The following EFCAB11 variants were observed in gnomAD, a reference collection of about 807,000 sequenced individuals.
The protein encoded by EFCAB11 is EF-hand calcium-binding domain-containing protein 11.
A neutral mutation model predicts 23.0 loss-of-function variants in EFCAB11; 14 were observed. That is an observed-to-expected ratio of 0.61 (90% confidence interval 0.40 to 0.95). The LOEUF (loss-of-function observed/expected upper bound fraction) is 0.95, where lower values mean the gene tolerates loss of function less well. EFCAB11 is among the 40% of genes least tolerant of loss of function. EFCAB11 has a pLI of 0.00. For missense variants in EFCAB11, 198 were observed against 195.8 expected (o/e 1.01, Z -0.07); for synonymous variants, 65 against 66.6 (o/e 0.98, Z 0.11).
intron 5 of EFCAB11, among the ~76,000 whole-genome samples, chr14:89,883,218 C>T (rs1019015176): frequency 6.6e-6 from 1 of 152,148 alleles, no homozygotes; most frequent in African/African-American, 2.4e-5. Flanking sequence ...AGATAGTTAT[C>T]TTAACATAAT....
At chr14:89,909,832 T>C (rs1048538555) in intron 5 of EFCAB11, among the ~76,000 whole-genome samples, 1 of 152,208 alleles carries the variant, frequency 6.6e-6, no homozygotes, top group African/African-American at 2.4e-5. Context: ...CCTCTGCAGA[T>C]GCACTCTGTC....
At chr14:89,891,787 C>T (rs1335659170) in intron 5 of EFCAB11, among the ~76,000 whole-genome samples, 2 of 152,128 alleles carry the variant, frequency 1.3e-5, no homozygotes. Context: ...AGGATAGGGA[C>T]GCGGCCATGG....
intron 3 of EFCAB11, among the ~76,000 whole-genome samples, chr14:89,937,776 G>A (rs979347348): frequency 3.3e-5 from 5 of 151,878 alleles, no homozygotes; most frequent in Admixed American, 1.3e-4. Context: ...CGTCTGCCTC[G>A]GCCTCATAAA....
At chr14:89,937,447 AT>A (rs527670589) in intron 3 of EFCAB11, among the ~76,000 whole-genome samples, 3 of 152,082 alleles carry the variant, frequency 2.0e-5, no homozygotes, top group Non-Finnish European at 2.9e-5. Context: ...AAGTCCATGC[AT>A]TTTTTTGTAC....
At chr14:89,862,921 C>T (rs1887970225) in intron 5 of EFCAB11, among the ~76,000 whole-genome samples, 2 of 152,142 alleles carry the variant, frequency 1.3e-5, no homozygotes, top group African/African-American at 2.4e-5. Flanking sequence ...TACAATTATA[C>T]ATATGTACTT....
intron 5 of EFCAB11, among the ~76,000 whole-genome samples, chr14:89,822,520 G>C (rs1320029945): frequency 1.3e-5 from 2 of 152,194 alleles, no homozygotes; most frequent in Non-Finnish European, 2.9e-5. Flanking sequence ...CACTGGTTGG[G>C]AGAGGCTGAG....
chr14:89,933,156 A>T (rs1890455528), intron 3 of EFCAB11, among the ~76,000 whole-genome samples: 1 of 152,180 alleles, frequency 6.6e-6, no homozygotes, highest in African/African-American at 2.4e-5. Flanking sequence ...AGCTGGCACC[A>T]TCTCCAGCCC....
intron 3 of EFCAB11, among the ~76,000 whole-genome samples, chr14:89,933,153 A>C (rs1890455299): frequency 6.6e-6 from 1 of 152,160 alleles, no homozygotes. Context: ...TACAGCTGGC[A>C]CCATCTCCAG....
intron 5 of EFCAB11, chr14:89,830,968 A>T (rs1179037070): frequency 3.3e-5 from 5 of 152,276 alleles, no homozygotes; most frequent in Non-Finnish European, 7.3e-5. Context: ...TGAGATGAGA[A>T]GGCCCCTCCT....
intron 5 of EFCAB11, among the ~76,000 whole-genome samples, chr14:89,864,336 G>A (rs150794870): frequency 1.2e-4 from 18 of 152,264 alleles, no homozygotes; most frequent in African/African-American, 3.1e-4. Context: ...ATGGCCTGAC[G>A]GTCTACCCTA....
chr14:89,835,498 G>A (rs886330193), intron 5 of EFCAB11, among the ~76,000 whole-genome samples: 3 of 152,202 alleles, frequency 2.0e-5, no homozygotes, highest in South Asian at 2.1e-4. Flanking sequence ...GAGGTCAGGT[G>A]TGGAATTTTC....
intron 5 of EFCAB11, among the ~76,000 whole-genome samples, chr14:89,925,242 G>A (rs1890153104): frequency 6.6e-6 from 1 of 152,114 alleles, no homozygotes; most frequent in South Asian, 2.1e-4. Flanking sequence ...CAGGAATTTG[G>A]GACTGATGTA....
At chr14:89,848,088 TCTC>T in intron 5 of EFCAB11, among the ~76,000 whole-genome samples, 1 of 152,350 alleles carries the variant, frequency 6.6e-6, no homozygotes, top group Non-Finnish European at 1.5e-5. Flanking sequence ...CCCTCATGCT[TCTC>T]CTTTTATTGC....
chr14:89,814,900 T>C (rs778231594), intron 5 of EFCAB11, among the ~76,000 whole-genome samples: 5 of 152,066 alleles, frequency 3.3e-5, no homozygotes, highest in East Asian at 1.9e-4. Context: ...GCTGGTCCCA[T>C]TGGACAAAGA....
At chr14:89,932,114 G>A (rs1357119327) in intron 4 of EFCAB11, among the ~76,000 whole-genome samples, 1 of 152,112 alleles carries the variant, frequency 6.6e-6, no homozygotes, top group East Asian at 1.9e-4. Context: ...GTGGGGCCTA[G>A]GGGGTCTACA....
rs761369631 is a variant in EFCAB11 at position 89,795,982 on chromosome 14, C to A, written c.*1261G>T. On this transcript the variant is annotated 3_prime_UTR_variant, in exon 6 of 6. Transcript: ENST00000316738. ...ACAGGCAAGGCATGGGGAACGTGAACACACATGGCTAAGTGTCTGGGTGCA... is the reference window on the plus strand; with the variant it reads ...ACAGGCAAGGCATGGGGAACGTGAAAACACATGGCTAAGTGTCTGGGTGCA... 5 of 152,242 alleles carry A rather than the reference C, an allele frequency of 3.3e-5. No homozygotes were observed. The highest frequency in any genetic ancestry group is 7.3e-5 in the Non-Finnish European group (5 of 68,064). 9.4% of individuals were successfully genotyped at this position (152,242 alleles called of 1,614,324 possible).
At chr14:89,900,189 GAATAT>G (rs1359306613) in intron 5 of EFCAB11, among the ~76,000 whole-genome samples, 1 of 151,852 alleles carries the variant, frequency 6.6e-6, no homozygotes, top group Non-Finnish European at 1.5e-5. Flanking sequence ...TAATTCCTAA[GAATAT>G]AATAAGAGAA....
chr14:89,830,393 T>C (rs1886844635), intron 5 of EFCAB11: 1 of 152,220 alleles, frequency 6.6e-6, no homozygotes, highest in African/African-American at 2.4e-5. Context: ...TATACCCCAG[T>C]AATTTTTGCA....
intron 5 of EFCAB11, chr14:89,836,890 A>C: frequency 2.6e-6 from 1 of 381,958 alleles, no homozygotes; most frequent in Non-Finnish European, 5.1e-6. Flanking sequence ...GTGATGGCGC[A>C]CGTCTATAAT....
Sources: allele counts gnomAD v4.1 joint callset (sites outside exome capture counted in the v4.1 genomes callset), GRCh38; gene constraint gnomAD v4.1.1; transcripts MANE v1.5; gene names NCBI Gene and HGNC (gene_info 2026-07-23, HGNC 2026-07-21).